The following PUM2 variants were observed in gnomAD, a reference collection of about 807,000 sequenced individuals.
PUM2 encodes pumilio homolog 2.
A neutral mutation model predicts 124.5 loss-of-function variants in PUM2; 57 were observed. The ratio of observed to expected loss-of-function variants is 0.46; its 90% CI spans 0.37 to 0.57. PUM2 has a LOEUF of 0.57. Ranked by LOEUF, PUM2 falls within the 20% of genes least tolerant of loss-of-function variation. The pLI is 0.00. For synonymous variants in PUM2, 460 were observed against 446.1 expected, an observed-to-expected ratio of 1.03 and a Z score of -0.39; for missense variants, 1,065 against 1,290.6, an observed-to-expected ratio of 0.83 and a Z score of 2.68.
At chr2:20,276,748 A>T (rs1037642583) in intron 13 of PUM2, among the ~76,000 whole-genome samples, 6 of 152,060 alleles carry the variant, frequency 3.9e-5, no homozygotes, top group Non-Finnish European at 8.8e-5. Flanking sequence ...ATTTGTTGTT[A>T]ACAATGTTGC....
chr2:20,332,314 T>C (rs1685093307), intron 1 of PUM2, among the ~76,000 whole-genome samples: 1 of 135,100 alleles, frequency 7.4e-6, no homozygotes, highest in African/African-American at 2.6e-5. Context: ...TGTGTGTGTG[T>C]GTGTGTGTTT....
At position 20,314,204 on chromosome 2, in the gene PUM2, A is replaced by G. The variant is rs73216234; in HGVS notation, c.161-1781T>C. 5.8e-3 allele frequency among the ~76,000 whole-genome samples: 877 copies of G among 152,330 alleles called. 7 individuals are homozygous for G. The highest frequency in any genetic ancestry group is 0.02 in the African/African-American group (822 of 41,564). Reference sequence around the variant, plus strand: ...AAAATAAACTTTCGATTTGGCAGAAACACTTCTCAAGTTCACAGTTACGCA... The same window carrying G: ...AAAATAAACTTTCGATTTGGCAGAAGCACTTCTCAAGTTCACAGTTACGCA... On this transcript the variant is annotated intron_variant, in intron 3 of 20. Transcript: ENST00000361078.
In PUM2 at chr2:20,283,350, T is replaced by G. The variant is rs1048142558; in HGVS notation, c.1428A>C (p.Ala476=). 1.2e-6 allele frequency: 2 copies of G among 1,614,076 alleles called. No homozygotes were observed. Among genetic ancestry groups the G allele is most frequent in the Non-Finnish European group, 1.7e-6 (2 of 1,180,000 alleles). ...AATGTCAGTTACACTTACCAGCTTGTGCTGCTGCTGAACTAATTAAAACAG... is the reference window on the plus strand; with the variant it reads ...AATGTCAGTTACACTTACCAGCTTGGGCTGCTGCTGAACTAATTAAAACAG... The part of the protein sequence containing the change: ...PTPVLISSAA[A]QAAAAAAAGG... The change falls in exon 11 of 21, where the codon GCA becomes GCC. Residue 476 remains alanine, a synonymous_variant. Coordinates refer to ENST00000361078, the MANE Select transcript of PUM2 (RefSeq NM_015317.5).
chr2:20,302,289 A>G (rs1183323958), intron 7 of PUM2, among the ~76,000 whole-genome samples: 2 of 152,222 alleles, frequency 1.3e-5, no homozygotes, highest in African/African-American at 2.4e-5. Flanking sequence ...TTACATTCCA[A>G]AAGTATGAGT....
At chr2:20,301,295 T>C (rs2148405584) in intron 7 of PUM2, among the ~76,000 whole-genome samples, 1 of 152,336 alleles carries the variant, frequency 6.6e-6, no homozygotes, top group East Asian at 1.9e-4. Flanking sequence ...GAATTATCTT[T>C]ATCACAAAAG....
intron 7 of PUM2, among the ~76,000 whole-genome samples, chr2:20,300,710 G>T (rs962958963): frequency 1.3e-5 from 2 of 149,378 alleles, no homozygotes; most frequent in Non-Finnish European, 3.0e-5. Context: ...AAAAAGAAAA[G>T]TTAAGCTGGG....
chr2:20,304,160 A>G (rs1677662092), intron 7 of PUM2, among the ~76,000 whole-genome samples: 1 of 152,168 alleles, frequency 6.6e-6, no homozygotes, highest in Admixed American at 6.5e-5. Context: ...TGGTTACTAC[A>G]ACTCAACCCC....
chr2:20,344,994 AAAAAAAAAAAG>A (rs1687950411), intron 1 of PUM2, among the ~76,000 whole-genome samples: 1 of 150,468 alleles, frequency 6.6e-6, no homozygotes, highest in Non-Finnish European at 1.5e-5. Context: ...AAAAAAAAAA[AAAAAAAAAAAG>A]AAAAGAAGAT....
In PUM2 at chr2:20,258,260, TA is replaced by T; in HGVS notation, c.2466del (p.Ile823PhefsTer10). ...ACAATTACCTGCTGGTCAGAAGAAA[TA>T]GATTCTAATGCTTTCTGAATAACGC... Reference protein sequence around the residue: ...GCRVIQKALESISSDQQSEMV... With the variant: ...GCRVIQKALEXISSDQQSEMV... On this transcript the variant is annotated frameshift_variant, in exon 16 of 21. Transcript: ENST00000361078. LOFTEE classifies it high-confidence loss of function. 6.2e-7 allele frequency: 1 copy of T among 1,600,272 alleles called. No homozygotes were observed. Among genetic ancestry groups the T allele is most frequent in the Non-Finnish European group, 8.5e-7 (1 of 1,171,966 alleles).
At chr2:20,304,669 A>G (rs1439274543) in intron 7 of PUM2, among the ~76,000 whole-genome samples, 4 of 152,132 alleles carry the variant, frequency 2.6e-5, no homozygotes, top group Non-Finnish European at 5.9e-5. Flanking sequence ...CACTCTAAAA[A>G]TTTTCCACAT....
chr2:20,303,878 G>A (rs1217963060), intron 7 of PUM2, among the ~76,000 whole-genome samples: 1 of 152,150 alleles, frequency 6.6e-6, no homozygotes, highest in Non-Finnish European at 1.5e-5. Flanking sequence ...AATCTCTGAT[G>A]GCTCACACCC....
intron 2 of PUM2, among the ~76,000 whole-genome samples, chr2:20,321,328 T>G (rs1206774217): frequency 1.3e-5 from 2 of 152,110 alleles, no homozygotes; most frequent in Non-Finnish European, 2.9e-5. Context: ...ATTGTTTACC[T>G]GGGCTGGGAA....
chr2:20,282,501 G>T (rs537667967), intron 12 of PUM2, among the ~76,000 whole-genome samples: 2 of 152,090 alleles, frequency 1.3e-5, no homozygotes, highest in African/African-American at 4.8e-5. Context: ...TTTAAAAACT[G>T]TAATAAACTA....
At chr2:20,311,449 C>T (rs749313330) in intron 5 of PUM2, 45 bp downstream of exon 5, 2 of 1,532,834 alleles carry the variant, frequency 1.3e-6, no homozygotes, top group South Asian at 2.4e-5. Context: ...TAGTAATAAT[C>T]CCTAAAAAGA....
chr2:20,310,284 T>G (rs1487850697), intron 5 of PUM2, among the ~76,000 whole-genome samples: 1 of 152,032 alleles, frequency 6.6e-6, no homozygotes, highest in Non-Finnish European at 1.5e-5. Context: ...AGAATGCTAA[T>G]AAATGTAAAG....
chr2:20,307,326 T>C (rs1394898551), intron 7 of PUM2, among the ~76,000 whole-genome samples: 1 of 152,216 alleles, frequency 6.6e-6, no homozygotes, highest in Non-Finnish European at 1.5e-5. Flanking sequence ...CCATAGACTC[T>C]GATGTTGACA....
At chr2:20,331,497 G>C (rs1684897993) in intron 1 of PUM2, among the ~76,000 whole-genome samples, 1 of 151,182 alleles carries the variant, frequency 6.6e-6, no homozygotes, top group African/African-American at 2.4e-5. Flanking sequence ...CCTCCCAAGA[G>C]AAAAATTATG....
At chr2:20,262,411 T>C (rs1048847907) in intron 14 of PUM2, among the ~76,000 whole-genome samples, 2 of 152,260 alleles carry the variant, frequency 1.3e-5, no homozygotes, top group African/African-American at 4.8e-5. Flanking sequence ...CAGTATTCAG[T>C]ACAGTGACAT....
chr2:20,254,110 A>G, intron 19 of PUM2, 96 bp from the exon 20 acceptor site: 1 of 1,064,906 alleles, frequency 9.4e-7, no homozygotes, highest in Non-Finnish European at 1.3e-6. Flanking sequence ...ATGAACAATA[A>G]AACAGAAGTC....
Sources: gnomAD v4.1 joint callset for allele counts (sites outside exome capture counted in the v4.1 genomes callset) on GRCh38, gnomAD v4.1.1 for gene constraint, MANE v1.5 for transcripts, NCBI Gene and HGNC (gene_info 2026-07-23, HGNC 2026-07-21) for gene names.